NGEF: variants seen among roughly 807,000 people sequenced by gnomAD.
The protein encoded by NGEF is neuronal guanine nucleotide exchange factor.
A neutral mutation model predicts 80.9 loss-of-function variants in NGEF; 31 were observed. The observed-to-expected ratio is 0.38, with a 90% CI of 0.29 to 0.52. The LOEUF is 0.52. NGEF is among the 20% of genes least tolerant of loss of function. NGEF has a pLI of 0.84. For synonymous variants in NGEF, 371 were observed against 370.2 expected (o/e 1.00, Z -0.03); for missense variants, 709 against 926.2 (o/e 0.77, Z 3.04).
intron 5 of NGEF, among the ~76,000 whole-genome samples, chr2:232,911,624 C>A (rs73995722): frequency 5.6e-4 from 86 of 152,238 alleles, no homozygotes; most frequent in African/African-American, 1.9e-3. Context: ...TATATTGAAT[C>A]TTTCAATCCA....
At chr2:232,971,201 T>G (rs562937910) in intron 2 of NGEF, among the ~76,000 whole-genome samples, 6 of 152,294 alleles carry the variant, frequency 3.9e-5, no homozygotes, top group Admixed American at 3.9e-4. Context: ...ATCATGAGCT[T>G]CTTTGGTGGC....
intron 5 of NGEF, among the ~76,000 whole-genome samples, chr2:232,907,422 A>C (rs1692591960): frequency 6.6e-6 from 1 of 152,198 alleles, no homozygotes; most frequent in Non-Finnish European, 1.5e-5. Context: ...ACTGAAAAAA[A>C]GATCTGATAC....
chr2:232,981,164 T>C (rs1302872191), intron 1 of NGEF, among the ~76,000 whole-genome samples: 1 of 35,722 alleles, frequency 2.8e-5, no homozygotes, highest in East Asian at 4.2e-4. Context: ...GAATTGCCTT[T>C]GCAAAAAGTA....
At chr2:232,895,241 G>A (rs535380624) in intron 5 of NGEF, among the ~76,000 whole-genome samples, 3 of 152,238 alleles carry the variant, frequency 2.0e-5, no homozygotes, top group African/African-American at 7.2e-5. Context: ...AACGAGAGAG[G>A]TCAGGCTGGG....
At chr2:232,903,664 T>A (rs1692419611) in intron 5 of NGEF, among the ~76,000 whole-genome samples, 1 of 152,350 alleles carries the variant, frequency 6.6e-6, no homozygotes, top group African/African-American at 2.4e-5. Flanking sequence ...AACGCCTAGC[T>A]GACGTTTTAG....
At position 232,992,140 on chromosome 2, in the gene NGEF, T is replaced by A. The variant is rs201568295; in HGVS notation, c.-74-17176A>T. Reference sequence around the variant, plus strand: ...ATAAAACTCTTAGAAGAAAACTAAATCTTCTTGACATTGGCATAGGTAATG... The same window carrying A: ...ATAAAACTCTTAGAAGAAAACTAAAACTTCTTGACATTGGCATAGGTAATG... On this transcript the variant is annotated intron_variant, in intron 1 of 14. Coordinates refer to ENST00000264051, the MANE Select transcript of NGEF (RefSeq NM_019850.3). Among the ~76,000 whole-genome samples, 10 of 152,222 alleles carry A rather than the reference T, an allele frequency of 6.6e-5. No individual in the cohort carries two copies. In the East Asian group the frequency reaches 1.9e-3, roughly 29 times the overall value.
chr2:232,931,943 CCA>C (rs1693222309), intron 3 of NGEF, among the ~76,000 whole-genome samples: 1 of 152,146 alleles, frequency 6.6e-6, no homozygotes, highest in Non-Finnish European at 1.5e-5. Flanking sequence ...ACAATTCAGC[CCA>C]GTTATTTGCC....
intron 5 of NGEF, among the ~76,000 whole-genome samples, chr2:232,900,268 TCA>T (rs1405455140): frequency 7.7e-6 from 1 of 130,464 alleles, no homozygotes; most frequent in Non-Finnish European, 1.6e-5. Context: ...ACACGTTCAC[TCA>T]CATTCACACA....
intron 2 of NGEF, among the ~76,000 whole-genome samples, chr2:232,973,783 G>A (rs1328768291): frequency 2.0e-5 from 3 of 152,226 alleles, no homozygotes; most frequent in Non-Finnish European, 4.4e-5. Flanking sequence ...CCAGAATCAT[G>A]AGAAATAATA....
At chr2:232,917,747 G>A (rs984858112) in intron 5 of NGEF, among the ~76,000 whole-genome samples, 3 of 152,066 alleles carry the variant, frequency 2.0e-5, no homozygotes, top group African/African-American at 7.2e-5. Context: ...AATGGGTTTA[G>A]ATTTCTAATC....
Position 232,895,106 on chromosome 2 carries a change from C to T in NGEF, c.829-190G>A, listed in dbSNP as rs551551815. On this transcript the variant is annotated intron_variant, in intron 5 of 14. Coordinates refer to ENST00000264051, the MANE Select transcript of NGEF (RefSeq NM_019850.3). ...CCTGCGGCCGGGAATGGTAGTGAGG[C>T]CACTCTTCCTAGGGAGCACACTACC... Among the ~76,000 whole-genome samples, 4 of 152,246 alleles carry T rather than the reference C, an allele frequency of 2.6e-5. No individual in the cohort carries two copies. In the East Asian group the frequency reaches 7.7e-4, roughly 29 times the overall value.
intron 1 of NGEF, among the ~76,000 whole-genome samples, chr2:233,002,363 G>A (rs1405091675): frequency 1.3e-5 from 2 of 152,066 alleles, no homozygotes; most frequent in Admixed American, 1.3e-4. Context: ...AATAAGACAG[G>A]CAGTACATGG....
chr2:232,907,186 AAG>A (rs1692584978), intron 5 of NGEF, among the ~76,000 whole-genome samples: 3 of 78,200 alleles, frequency 3.8e-5, no homozygotes, highest in African/African-American at 1.4e-4. Flanking sequence ...AAAGAAAAAA[AAG>A]AAAAAAAAAA....
At chr2:232,923,660 AG>A (rs1692995593) in intron 4 of NGEF, among the ~76,000 whole-genome samples, 1 of 151,958 alleles carries the variant, frequency 6.6e-6, no homozygotes, top group African/African-American at 2.4e-5. Flanking sequence ...ACTTGAACCC[AG>A]GGGGTGGAGG....
At chr2:232,897,445 A>G (rs951265308) in intron 5 of NGEF, among the ~76,000 whole-genome samples, 3 of 152,102 alleles carry the variant, frequency 2.0e-5, no homozygotes, top group African/African-American at 4.8e-5. Flanking sequence ...ACATGGCTGG[A>G]TGCTGGAGGA....
At chr2:232,887,925 G>T (rs1691744760) in intron 9 of NGEF, 108 bp downstream of exon 9, 1 of 832,824 alleles carries the variant, frequency 1.2e-6, no homozygotes, top group Non-Finnish European at 2.0e-6. Flanking sequence ...AAATAAATTT[G>T]CATATTCTAA....
At chr2:232,972,859 T>A (rs10933418) in intron 2 of NGEF, among the ~76,000 whole-genome samples, 2 of 150,932 alleles carry the variant, frequency 1.3e-5, no homozygotes, top group East Asian at 2.0e-4. Context: ...TGGGTTCAAG[T>A]GATTTTCCTG....
Position 232,969,813 on chromosome 2 carries a change from G to A in NGEF, c.383+401C>T, listed in dbSNP as rs530116738. Among the ~76,000 whole-genome samples the A allele has an allele frequency of 1.3e-4, 20 of 152,068 alleles. No homozygotes were observed. The East Asian group carries it at 3.7e-3, about 28-fold the overall frequency. On this transcript the variant is annotated intron_variant, in intron 3 of 14. Coordinates refer to ENST00000264051, the MANE Select transcript of NGEF (RefSeq NM_019850.3). ...ACAGGTGTGAGCCACCACGCCGGCT[G>A]TGATTTTTCTATTCTATTTCTTAAT... is the stretch of plus-strand genomic sequence containing the variant.
intron 3 of NGEF, among the ~76,000 whole-genome samples, chr2:232,955,693 A>G (rs1361414304): frequency 2.0e-5 from 3 of 151,946 alleles, no homozygotes; most frequent in African/African-American, 4.8e-5. Context: ...TAATTTTTGT[A>G]CTTGTAGTAG....
Sources: allele counts gnomAD v4.1 joint callset (sites outside exome capture counted in the v4.1 genomes callset), GRCh38; gene constraint gnomAD v4.1.1; transcripts MANE v1.5; gene names NCBI Gene and HGNC (gene_info 2026-07-23, HGNC 2026-07-21).